Variants in SOX6 observed in about 807,000 individuals in gnomAD.
The protein encoded by SOX6 is transcription factor SOX-6.
In SOX6, 11 loss-of-function variants were observed where a neutral mutation model predicts 97.8. The observed-to-expected ratio is 0.11, with a 90% CI of 0.07 to 0.19. SOX6 has a LOEUF of 0.19. Among genes scored for constraint, SOX6 ranks in the 10% least tolerant of loss-of-function variants. The pLI is 1.00. For missense variants in SOX6, 810 were observed against 1,039.5 expected, an observed-to-expected ratio of 0.78 and a Z score of 3.04; for synonymous variants, 360 against 371.4, an observed-to-expected ratio of 0.97 and a Z score of 0.35.
intron 3 of SOX6, among the ~76,000 whole-genome samples, chr11:16,706,239 A>G (rs1848130999): frequency 6.6e-6 from 1 of 150,850 alleles, no homozygotes; most frequent in African/African-American, 2.4e-5. Flanking sequence ...CTCCAGTTTG[A>G]GACCAGCCTG....
In SOX6 at chr11:16,125,862, G is replaced by GGAAA. The variant is rs1199560360; in HGVS notation, c.778-13940_778-13939insTTTC. Among the ~76,000 whole-genome samples, 66 of 150,736 alleles carry GGAAA rather than the reference G, an allele frequency of 4.4e-4. 1 individual carries two copies. Among genetic ancestry groups the GGAAA allele is most frequent in the African/African-American group, 1.4e-3 (57 of 41,068 alleles). ...AGGAAGGAAGGAAGGAAGGAAGGAAGGAAGGAAGGAAGGAAAGTTTATTTG... is the reference window on the plus strand; with the variant it reads ...AGGAAGGAAGGAAGGAAGGAAGGAAGGAAAGAAGGAAGGAAGGAAAGTTTATTTG... On this transcript the variant is annotated intron_variant, in intron 6 of 15. Transcript: ENST00000683767.
intron 6 of SOX6, among the ~76,000 whole-genome samples, chr11:16,136,391 A>T (rs539830599): frequency 6.8e-6 from 1 of 147,618 alleles, no homozygotes; most frequent in East Asian, 2.0e-4. Flanking sequence ...CACTTAATAG[A>T]CCACAGTATA....
At chr11:16,286,113 G>T (rs1354912308) in intron 3 of SOX6, among the ~76,000 whole-genome samples, 2 of 152,120 alleles carry the variant, frequency 1.3e-5, no homozygotes, top group Non-Finnish European at 2.9e-5. Context: ...TGAATATCCA[G>T]TTGTTGTCTT....
chr11:16,270,059 G>T (rs920699642), intron 3 of SOX6: 3 of 151,214 alleles, frequency 2.0e-5, no homozygotes, highest in African/African-American at 7.3e-5. Flanking sequence ...TAGAACTAGA[G>T]TATTTTGTCC....
intron 6 of SOX6, among the ~76,000 whole-genome samples, chr11:16,126,950 T>C (rs1849625701): frequency 6.6e-6 from 1 of 152,104 alleles, no homozygotes; most frequent in South Asian, 2.1e-4. Context: ...AATCACGGAA[T>C]ATCTCTAGAT....
intron 13 of SOX6, among the ~76,000 whole-genome samples, chr11:16,004,559 A>G (rs1854496869): frequency 6.6e-6 from 1 of 152,034 alleles, no homozygotes; most frequent in Non-Finnish European, 1.5e-5. Flanking sequence ...CAAGGATTTT[A>G]GAGACAATCC....
chr11:16,569,820 G>A (rs1376086943), intron 4 of SOX6, among the ~76,000 whole-genome samples: 1 of 138,520 alleles, frequency 7.2e-6, no homozygotes, highest in African/African-American at 2.8e-5. Context: ...AGTGAGCTGA[G>A]ATAGCGCCAC....
intron 6 of SOX6, among the ~76,000 whole-genome samples, chr11:16,154,878 T>C (rs1850557251): frequency 6.6e-6 from 1 of 152,042 alleles, no homozygotes; most frequent in South Asian, 2.1e-4. Context: ...CAAATATTTG[T>C]AGTGGGGCAG....
intron 1 of SOX6, among the ~76,000 whole-genome samples, chr11:16,430,013 AGACTATTGT>A (rs1177895175): frequency 1.3e-5 from 2 of 152,200 alleles, no homozygotes; most frequent in African/African-American, 4.8e-5. Flanking sequence ...AAACTACCTC[AGACTATTGT>A]GAGAAATAAA....
chr11:16,414,473 C>T (rs1172561337), intron 1 of SOX6, among the ~76,000 whole-genome samples: 1 of 151,554 alleles, frequency 6.6e-6, no homozygotes, highest in Non-Finnish European at 1.5e-5. Context: ...TAATTAATTC[C>T]CTCAGTAATT....
chr11:16,245,598 G>A (rs1853313003), intron 3 of SOX6, among the ~76,000 whole-genome samples: 1 of 151,554 alleles, frequency 6.6e-6, no homozygotes, highest in Non-Finnish European at 1.5e-5. Context: ...TTTGCTTCAT[G>A]TATTTTAAAG....
intron 3 of SOX6, among the ~76,000 whole-genome samples, chr11:16,285,273 C>T (rs1854698420): frequency 6.6e-6 from 1 of 152,096 alleles, no homozygotes; most frequent in Admixed American, 6.6e-5. Context: ...TGGCTCATGC[C>T]TGTAATTCCA....
At chr11:16,020,757 T>G (rs985511057) in intron 12 of SOX6, among the ~76,000 whole-genome samples, 1 of 152,178 alleles carries the variant, frequency 6.6e-6, no homozygotes, top group Non-Finnish European at 1.5e-5. Flanking sequence ...ACATACTATG[T>G]TAAAGAATCG....
chr11:16,719,850 G>A (rs1291187778), intron 2 of SOX6, among the ~76,000 whole-genome samples: 1 of 152,100 alleles, frequency 6.6e-6, no homozygotes, highest in Admixed American at 6.6e-5. Flanking sequence ...CTTGATCCCA[G>A]GAGGTAGAGG....
At chr11:16,176,890 T>G (rs1428170254) in intron 6 of SOX6, among the ~76,000 whole-genome samples, 1 of 151,908 alleles carries the variant, frequency 6.6e-6, no homozygotes, top group Admixed American at 6.6e-5. Flanking sequence ...CTGATAATAC[T>G]TGCTTTTTAA....
chr11:16,523,104 T>C (rs1209388983), intron 4 of SOX6, among the ~76,000 whole-genome samples: 2 of 152,168 alleles, frequency 1.3e-5, no homozygotes, highest in Admixed American at 6.5e-5. Context: ...TATCCAGGAA[T>C]TGAACTCAGC....
chr11:16,174,947 T>C (rs1050796469), intron 6 of SOX6, among the ~76,000 whole-genome samples: 1 of 151,914 alleles, frequency 6.6e-6, no homozygotes, highest in African/African-American at 2.4e-5. Flanking sequence ...CTCTCTTTTA[T>C]ACAATCTCCA....
intron 13 of SOX6, among the ~76,000 whole-genome samples, chr11:15,995,502 A>G (rs1207860279): frequency 6.6e-6 from 1 of 152,184 alleles, no homozygotes; most frequent in Non-Finnish European, 1.5e-5. Flanking sequence ...AACATACAAT[A>G]TATAATTAAA....
At chr11:16,438,039 C>G (rs1189012378) in intron 1 of SOX6, among the ~76,000 whole-genome samples, 1 of 151,880 alleles carries the variant, frequency 6.6e-6, no homozygotes, top group African/African-American at 2.4e-5. Flanking sequence ...AACAAACCTA[C>G]TAGTTTAAAA....
Sources: allele counts gnomAD v4.1 joint callset (sites outside exome capture counted in the v4.1 genomes callset), GRCh38; gene constraint gnomAD v4.1.1; transcripts MANE v1.5; gene names NCBI Gene and HGNC (gene_info 2026-07-23, HGNC 2026-07-21).